TACC2: variants seen among roughly 807,000 people sequenced by gnomAD.
TACC2 encodes transforming acidic coiled-coil containing protein 2.
TACC2 carries 137 observed loss-of-function variants against 227.3 expected under a neutral mutation model. That is an observed-to-expected ratio of 0.60 (90% CI 0.52 to 0.69). The LOEUF (loss-of-function observed/expected upper bound fraction) is 0.69. Among genes scored for constraint, TACC2 ranks in the 30% least tolerant of loss-of-function variants. The probability of loss-of-function intolerance (pLI) is 0.00; values close to 1 mark genes in which losing one functional copy is unlikely to be tolerated. For synonymous variants in TACC2, 1,523 were observed against 1,487.5 expected, an observed-to-expected ratio of 1.02 and a Z score of -0.55; for missense variants, 3,470 against 3,694.4, an observed-to-expected ratio of 0.94 and a Z score of 1.57.
At chr10:122,117,799 A>G (rs1040915117) in intron 5 of TACC2, among the ~76,000 whole-genome samples, 3 of 152,116 alleles carry the variant, frequency 2.0e-5, no homozygotes, top group African/African-American at 4.8e-5. Flanking sequence ...TTGGTTTCAT[A>G]TCATGACTGT....
chr10:122,226,877 C>T (rs2095640078), intron 13 of TACC2, among the ~76,000 whole-genome samples: 1 of 152,204 alleles, frequency 6.6e-6, no homozygotes, highest in African/African-American at 2.4e-5. Context: ...CCAGTGCACA[C>T]ACACTTTATT....
At position 122,083,207 on chromosome 10, in the gene TACC2, C is replaced by A. The variant is rs763000875; in HGVS notation, c.707C>A (p.Pro236His). The change falls in exon 4 of 23, where the codon CCT becomes CAT. Residue 236 changes from proline (P) to histidine (H), a missense_variant. This residue lies in a region of TACC2 where 405 missense variants were observed against 389.6 expected (regional missense o/e 1.04). Coordinates refer to ENST00000369005, the MANE Select transcript of TACC2 (RefSeq NM_206862.4). ...QEKEAAGGFP[P>H]AESRQGVASV... Reference sequence around the variant, plus strand: ...AAAGAGGCTGCAGGTGGCTTTCCCCCTGCAGAGTCCAGGCAGGGGGTGGCT... The same window carrying A: ...AAAGAGGCTGCAGGTGGCTTTCCCCATGCAGAGTCCAGGCAGGGGGTGGCT... 29 of 1,613,390 alleles carry A rather than the reference C, an allele frequency of 1.8e-5. No homozygotes were observed. The South Asian group carries it at 3.1e-4, about 17-fold the overall frequency.
At chr10:122,053,379 C>T (rs1214744698) in intron 3 of TACC2, among the ~76,000 whole-genome samples, 2 of 149,398 alleles carry the variant, frequency 1.3e-5, no homozygotes, top group Non-Finnish European at 2.9e-5. Flanking sequence ...ATTCAGTCAC[C>T]CCCCCAGGTC....
chr10:122,084,508 C>G lies in TACC2; in HGVS notation c.2008C>G (p.Leu670Val), dbSNP rs377480879. ...PHKLGEEDPV[L>V]PPVPDGAGEP... ...CAAGCTGGGTGAGGAGGACCCCGTC[C>G]TGCCCCCTGTGCCAGATGGAGCTGG... The change falls in exon 4 of 23, where the codon CTG becomes GTG. Residue 670 changes from leucine (L) to valine (V), a missense_variant. Leu to Val is a conservative substitution (Grantham distance 32). Around this residue, in one of 10 missense-constraint regions of TACC2, gnomAD observed 1,924 missense variants for 1,978.3 expected, o/e 0.97. Transcript: ENST00000369005. 1.5e-4 allele frequency: 239 copies of G among 1,613,392 alleles called. 1 individual carries two copies. The highest frequency in any genetic ancestry group is 1.2e-4 in the Non-Finnish European group (141 of 1,180,014).
intron 7 of TACC2, among the ~76,000 whole-genome samples, chr10:122,176,117 C>CTCTATATA (rs1447382017): frequency 8.2e-4 from 45 of 54,634 alleles, no homozygotes; most frequent in Admixed American, 1.8e-3. Context: ...CTCTCTCTCT[C>CTCTATATA]TATATATATA....
chr10:122,044,292 G>A (rs895144471), intron 2 of TACC2, among the ~76,000 whole-genome samples: 1 of 152,246 alleles, frequency 6.6e-6, no homozygotes, highest in Non-Finnish European at 1.5e-5. Flanking sequence ...TCTGCAACCT[G>A]TATTCGTCAA....
chr10:122,046,783 C>A (rs900001016), intron 2 of TACC2, among the ~76,000 whole-genome samples: 2 of 152,096 alleles, frequency 1.3e-5, no homozygotes. Context: ...AAATTATTTG[C>A]AGAATATTTT....
intron 6 of TACC2, among the ~76,000 whole-genome samples, chr10:122,139,987 C>T (rs2090295576): frequency 6.6e-6 from 1 of 152,200 alleles, no homozygotes; most frequent in Admixed American, 6.5e-5. Flanking sequence ...ACTCAAAAGC[C>T]CTGACCAGGG....
chr10:122,227,892 C>T lies in TACC2; in HGVS notation c.7780C>T (p.Pro2594Ser). 2 of 1,614,234 alleles carry T rather than the reference C, an allele frequency of 1.2e-6. No homozygotes were observed. The highest frequency in any genetic ancestry group is 2.2e-5 in the South Asian group (2 of 91,086). ...GAACACTGCTGCGAAAAACCAGCAT[C>T]CTGTCCCACGAGGACTGGCCCCTAA... ...LVNTAAKNQH[P>S]VPRGLAPNQE... Residue 2594 changes from proline (P) to serine (S), a missense_variant, in exon 14 of 23, where the codon CCT (proline) becomes TCT (serine). Coordinates refer to ENST00000369005, the MANE Select transcript of TACC2 (RefSeq NM_206862.4).
intron 2 of TACC2, among the ~76,000 whole-genome samples, chr10:122,037,274 G>A (rs889670208): frequency 2.6e-5 from 4 of 152,252 alleles, no homozygotes; most frequent in Non-Finnish European, 4.4e-5. Flanking sequence ...AGCTGGGTGA[G>A]GGCTCAGTTT....
chr10:122,110,899 G>T (rs1340268230), intron 5 of TACC2, among the ~76,000 whole-genome samples: 1 of 152,206 alleles, frequency 6.6e-6, no homozygotes, highest in Non-Finnish European at 1.5e-5. Context: ...GGTTTCGGTA[G>T]TGTTGTGTTC....
chr10:122,219,597 G>A (rs892602195), intron 11 of TACC2, among the ~76,000 whole-genome samples: 7 of 152,198 alleles, frequency 4.6e-5, no homozygotes, highest in African/African-American at 9.7e-5. Context: ...GGAGCACTGC[G>A]GGGAAGGTGC....
intron 2 of TACC2, among the ~76,000 whole-genome samples, chr10:122,024,073 A>G (rs986664341): frequency 1.3e-5 from 2 of 152,220 alleles, no homozygotes; most frequent in African/African-American, 4.8e-5. Flanking sequence ...AGCTTAAAGA[A>G]ACAATGCAGA....
intron 5 of TACC2, chr10:122,126,849 G>C (rs2086974733): frequency 6.6e-6 from 1 of 152,340 alleles, no homozygotes; most frequent in Non-Finnish European, 1.5e-5. Flanking sequence ...GGTATCACCT[G>C]CTATGCTCTG....
intron 8 of TACC2, among the ~76,000 whole-genome samples, chr10:122,207,191 C>T (rs1306499296): frequency 1.1e-4 from 16 of 151,740 alleles, no homozygotes; most frequent in African/African-American, 3.6e-4. Flanking sequence ...CCCAGCTACT[C>T]GGGAGGCTCA....
intron 3 of TACC2, among the ~76,000 whole-genome samples, chr10:122,072,845 G>A (rs901966057): frequency 6.6e-5 from 10 of 152,110 alleles, no homozygotes; most frequent in African/African-American, 1.7e-4. Flanking sequence ...GCCGGGCGTG[G>A]CGGCTCACGC....
intron 3 of TACC2, among the ~76,000 whole-genome samples, chr10:122,072,621 T>A (rs2078209620): frequency 6.6e-6 from 1 of 152,194 alleles, no homozygotes; most frequent in Non-Finnish European, 1.5e-5. Context: ...TCAGCATGGA[T>A]CAGTTAGAAT....
At chr10:121,998,782 G>A (rs541370239) in intron 1 of TACC2, among the ~76,000 whole-genome samples, 2 of 152,098 alleles carry the variant, frequency 1.3e-5, no homozygotes, top group Non-Finnish European at 2.9e-5. Flanking sequence ...CGCTTACATC[G>A]GTATAAAGTT....
Position 122,210,769 on chromosome 10 carries a change from C to T in TACC2, c.6344C>T (p.Thr2115Met), listed in dbSNP as rs756797942. The T allele has an allele frequency of 9.9e-6, 16 of 1,613,734 alleles. No individual in the cohort carries two copies. Among genetic ancestry groups the T allele is most frequent in the East Asian group, 2.2e-5 (1 of 44,872 alleles). Residue 2115 changes from threonine (T) to methionine (M), a missense_variant, in exon 9 of 23, where the codon ACG (threonine) becomes ATG (methionine). By Grantham distance (81) the Thr-to-Met change is moderately conservative. Transcript: ENST00000369005. This position sits in a 1 kb window ranked among gnomAD's most constrained non-coding sequence, Gnocchi z 4.6. ...AVALAPDAYS[T>M]GSSSASSTLK... The stretch of plus-strand genomic sequence containing the variant: ...GCCCTTGCCCCAGATGCATATAGCA[C>T]GGGTTCCAGCAGTGCTTCTAGTACC...
Sources: allele counts gnomAD v4.1 joint callset (sites outside exome capture counted in the v4.1 genomes callset), GRCh38; gene constraint gnomAD v4.1.1; regional missense constraint gnomAD v4.1.1; non-coding constraint Gnocchi (gnomAD v3.1); transcripts MANE v1.5; gene names NCBI Gene and HGNC (gene_info 2026-07-23, HGNC 2026-07-21).